The following RASSF5 variants were observed in gnomAD, a reference collection of about 807,000 sequenced individuals.
The protein encoded by RASSF5 is Ras association domain family member 5.
Under a neutral mutation model 40.5 loss-of-function variants are expected in RASSF5, and 25 were observed. The observed-to-expected ratio is 0.62, with a 90% CI of 0.45 to 0.86. The LOEUF is 0.86. RASSF5 is among the 40% of genes least tolerant of loss of function. The pLI, the probability that RASSF5 is intolerant of heterozygous loss-of-function variation, is 0.00. For missense variants in RASSF5, 521 were observed against 572.8 expected (o/e 0.91, Z 0.92); for synonymous variants, 246 against 252.4 (o/e 0.97, Z 0.24).
At chr1:206,533,262 G>A (rs1667287983) in intron 1 of RASSF5, among the ~76,000 whole-genome samples, 2 of 152,162 alleles carry the variant, frequency 1.3e-5, no homozygotes, top group African/African-American at 4.8e-5. Context: ...CCTGGTAGAA[G>A]TAGGCAGGCC....
intron 2 of RASSF5, among the ~76,000 whole-genome samples, chr1:206,546,089 ATTTTTTTTTTTT>A (rs10603701): frequency 0.027 from 1,299 of 48,090 alleles, 9 homozygotes; most frequent in South Asian, 0.037. Flanking sequence ...TTCTTTTTCT[ATTTTTTTTTTTT>A]TTTTTTTTTT....
Position 206,507,665 on chromosome 1 carries a change from G to A in RASSF5, c.63G>A (p.Pro21=), listed in dbSNP as rs1490242519. 2.6e-6 allele frequency: 4 copies of A among 1,526,158 alleles called. No individual in the cohort carries two copies. Among genetic ancestry groups the A allele is most frequent in the Non-Finnish European group, 8.7e-7 (1 of 1,143,030 alleles). 94.5% of individuals were successfully genotyped at this position (1,526,158 alleles called of 1,614,324 possible). A position where few individuals can be genotyped will look rare whatever the true frequency, so the allele number is the denominator to read the frequency against. Residue 21 remains proline, a synonymous_variant, in exon 1 of 6, where the codon CCG becomes CCA. Transcript: ENST00000579436. ...ACCCGCTACTATTGGACCCCGAGCC[G>A]CCGCGCTATCTACAGAGCCTGAGCG... ...RPYPLLLDPE[P]PRYLQSLSGP...
intron 1 of RASSF5, among the ~76,000 whole-genome samples, chr1:206,533,690 G>A (rs1381058897): frequency 6.6e-6 from 1 of 152,052 alleles, no homozygotes; most frequent in African/African-American, 2.4e-5. Context: ...AGGAGTTCGA[G>A]GTTATAGTGA....
At chr1:206,523,922 T>C (rs1667010190) in intron 1 of RASSF5, among the ~76,000 whole-genome samples, 1 of 114,032 alleles carries the variant, frequency 8.8e-6, no homozygotes, top group African/African-American at 3.7e-5. Flanking sequence ...ATATAATATA[T>C]ATACCATATA....
At position 206,507,634 on chromosome 1, in the gene RASSF5, G is replaced by T; in HGVS notation, c.32G>T (p.Arg11Leu). 1 of 1,528,692 alleles carries T rather than the reference G, an allele frequency of 6.5e-7. No individual in the cohort carries two copies. Among genetic ancestry groups the T allele is most frequent in the East Asian group, 2.8e-5 (1 of 36,188 alleles). The allele number at this position is 1,528,692 out of a possible 1,614,324, so 94.7% of individuals were successfully genotyped here. The change falls in exon 1 of 6, where the codon CGC becomes CTC. Residue 11 changes from arginine to leucine, a missense_variant. Coordinates refer to ENST00000579436, the MANE Select transcript of RASSF5 (RefSeq NM_182663.4). The stretch of plus-strand genomic sequence containing the variant: ...ATGGCGTCCCCGGCCATCGGGCAGC[G>T]CCCGTACCCGCTACTATTGGACCCC... The part of the protein sequence containing the change: MAMASPAIGQ[R>L]PYPLLLDPEP...
Position 206,507,764 on chromosome 1 carries a change from C to T in RASSF5, c.162C>T (p.Pro54=), listed in dbSNP as rs1370781855. The part of the protein sequence containing the change: ...LCVPAPLSTA[P]GAREGRSARR... ...TCCCGGCGCCCCTCTCCACTGCGCCCGGGGCGCGCGAGGGGCGCAGCGCCC... is the reference window on the plus strand; with the variant it reads ...TCCCGGCGCCCCTCTCCACTGCGCCTGGGGCGCGCGAGGGGCGCAGCGCCC... Residue 54 remains proline (P), a synonymous_variant, in exon 1 of 6, where the codon CCC becomes CCT. Coordinates refer to ENST00000579436, the MANE Select transcript of RASSF5 (RefSeq NM_182663.4). The T allele has an allele frequency of 2.8e-6, 4 of 1,409,058 alleles. No homozygotes were observed. In the African/African-American group the frequency reaches 4.6e-5, roughly 16 times the overall value. The allele number at this position is 1,409,058 out of a possible 1,614,324, so 87.3% of individuals were successfully genotyped here. A position where few individuals can be genotyped will look rare whatever the true frequency, so the allele number is the denominator to read the frequency against.
At chr1:206,510,307 C>T (rs1666583207) in intron 1 of RASSF5, among the ~76,000 whole-genome samples, 1 of 151,980 alleles carries the variant, frequency 6.6e-6, no homozygotes, top group African/African-American at 2.4e-5. Context: ...GAACCAGAGC[C>T]CTGGGTTTGA....
At position 206,511,392 on chromosome 1, in the gene RASSF5, C is replaced by A. The variant is rs12072252; in HGVS notation, c.457+3333C>A. ...CCCTTAGTGTTCCTTCTGTAGAAGGCGCATGGAGGTGGCCTTTTACCTTTC... is the reference window on the plus strand; with the variant it reads ...CCCTTAGTGTTCCTTCTGTAGAAGGAGCATGGAGGTGGCCTTTTACCTTTC... On this transcript the variant is annotated intron_variant, in intron 1 of 5. Transcript: ENST00000579436. Among the ~76,000 whole-genome samples the A allele has an allele frequency of 1.5e-3, 230 of 152,308 alleles. 2 individuals are homozygous for A. Among genetic ancestry groups the A allele is most frequent in the African/African-American group, 5.1e-3 (214 of 41,556 alleles).
intron 2 of RASSF5, among the ~76,000 whole-genome samples, chr1:206,567,535 G>T (rs1422595253): frequency 6.6e-6 from 1 of 152,112 alleles, no homozygotes; most frequent in Non-Finnish European, 1.5e-5. Context: ...CCTGTCCCTG[G>T]GCCTGGGAAC....
chr1:206,576,214 C>T (rs1668652326), intron 2 of RASSF5, among the ~76,000 whole-genome samples: 1 of 152,190 alleles, frequency 6.6e-6, no homozygotes, highest in Non-Finnish European at 1.5e-5. Flanking sequence ...CTGAAATCAC[C>T]TCTATAGGCT....
intron 2 of RASSF5, chr1:206,557,781 A>C: frequency 6.9e-7 from 1 of 1,452,282 alleles, no homozygotes; most frequent in South Asian, 1.2e-5. Context: ...CTCCCAGCAA[A>C]GGGACAAAGC....
At chr1:206,556,463 G>A (rs1667989464) in intron 2 of RASSF5, among the ~76,000 whole-genome samples, 2 of 152,214 alleles carry the variant, frequency 1.3e-5, no homozygotes, top group Admixed American at 1.3e-4. Context: ...AGCCCTATGT[G>A]TTCCTTTGTC....
chr1:206,575,041 T>C (rs1553404945), intron 2 of RASSF5, among the ~76,000 whole-genome samples: 1 of 151,914 alleles, frequency 6.6e-6, no homozygotes, highest in African/African-American at 2.4e-5. Flanking sequence ...TTTGTTTTTT[T>C]TTTTAGAAGA....
chr1:206,523,915 TAA>T (rs1491361302), intron 1 of RASSF5, among the ~76,000 whole-genome samples: 2 of 113,504 alleles, frequency 1.8e-5, no homozygotes, highest in Non-Finnish European at 3.2e-5. Context: ...ATTTTATATA[TAA>T]TATATATACC....
In RASSF5 at chr1:206,585,453, G is replaced by A. The variant is rs1182233053; in HGVS notation, c.1104+158G>A. ...GCAGGGGTGGGTGATGGGCCTGGGG[G>A]TCAGTGTTTCAGCCAGGACTCTGAA... On this transcript the variant is annotated intron_variant, in intron 5 of 5. Coordinates refer to ENST00000579436, the MANE Select transcript of RASSF5 (RefSeq NM_182663.4). 3.1e-5 allele frequency: 19 copies of A among 615,944 alleles called. 1 individual carries two copies. Among genetic ancestry groups the A allele is most frequent in the Non-Finnish European group, 5.6e-5 (19 of 340,472 alleles). The allele number at this position is 615,944 out of a possible 1,614,324, so 38.2% of individuals were successfully genotyped here. A position where few individuals can be genotyped will look rare whatever the true frequency, so the allele number is the denominator to read the frequency against.
At chr1:206,515,693 C>T (rs1240944393) in intron 1 of RASSF5, among the ~76,000 whole-genome samples, 1 of 152,182 alleles carries the variant, frequency 6.6e-6, no homozygotes, top group East Asian at 1.9e-4. Context: ...AACCTCCCAC[C>T]CCCAAGCCAG....
chr1:206,583,651 G>C, intron 3 of RASSF5: 1 of 426,276 alleles, frequency 2.3e-6, no homozygotes, highest in Non-Finnish European at 4.4e-6. Flanking sequence ...TAAACTAAGT[G>C]ATTAAACGGT....
chr1:206,544,813 C>T (rs12409334), intron 2 of RASSF5: 4,665 of 152,280 alleles, frequency 0.031, 76 homozygotes, highest in Admixed American at 0.039. Context: ...TTCTGTGCTT[C>T]CTGGCTCCCA....
intron 1 of RASSF5, among the ~76,000 whole-genome samples, chr1:206,509,255 G>T (rs1259829244): frequency 2.0e-5 from 3 of 152,198 alleles, no homozygotes; most frequent in African/African-American, 7.2e-5. Flanking sequence ...TCTGCCTGCA[G>T]TCTGCAGCGG....
Sources: allele counts gnomAD v4.1 joint callset (sites outside exome capture counted in the v4.1 genomes callset), GRCh38; gene constraint gnomAD v4.1.1; transcripts MANE v1.5; gene names NCBI Gene and HGNC (gene_info 2026-07-23, HGNC 2026-07-21).